RIMS2: variants seen among roughly 807,000 people sequenced by gnomAD.
The protein encoded by RIMS2 is regulating synaptic membrane exocytosis protein 2.
Under a neutral mutation model 174.4 loss-of-function variants are expected in RIMS2, and 59 were observed. The ratio of observed to expected loss-of-function variants is 0.34; its 90% CI spans 0.27 to 0.42. RIMS2 has a LOEUF of 0.42. Among genes scored for constraint, RIMS2 ranks in the 10% least tolerant of loss-of-function variants. The pLI is 1.00. For synonymous variants in RIMS2, 606 were observed against 572.5 expected (o/e 1.06, Z -0.84); for missense variants, 1,620 against 1,666.3 (o/e 0.97, Z 0.48).
At chr8:104,040,250 A>G (rs1186677798) in intron 19 of RIMS2, among the ~76,000 whole-genome samples, 5 of 151,730 alleles carry the variant, frequency 3.3e-5, no homozygotes, top group Non-Finnish European at 5.9e-5. Flanking sequence ...CAACTCTTGC[A>G]GAACTTAAAT....
chr8:104,011,080 C>A (rs1210443284), intron 17 of RIMS2, among the ~76,000 whole-genome samples: 1 of 152,074 alleles, frequency 6.6e-6, no homozygotes, highest in Admixed American at 6.6e-5. Flanking sequence ...ATATCTCAAT[C>A]CCTTTAAGGG....
At chr8:103,630,892 A>G (rs1440159463) in intron 1 of RIMS2, among the ~76,000 whole-genome samples, 2 of 152,144 alleles carry the variant, frequency 1.3e-5, no homozygotes, top group Non-Finnish European at 2.9e-5. Context: ...TTATTTTAAT[A>G]TGCTTGTTGG....
At chr8:103,750,131 A>G (rs536555303) in intron 2 of RIMS2, among the ~76,000 whole-genome samples, 45 of 152,208 alleles carry the variant, frequency 3.0e-4, no homozygotes, top group African/African-American at 9.4e-4. Context: ...ATCTGGCCCA[A>G]CTGGATTCAC....
intron 2 of RIMS2, among the ~76,000 whole-genome samples, chr8:103,754,652 C>A (rs1269790983): frequency 6.6e-6 from 1 of 152,152 alleles, no homozygotes; most frequent in Non-Finnish European, 1.5e-5. Flanking sequence ...GTTAGCTCTT[C>A]TTGTTGAATT....
intron 1 of RIMS2, among the ~76,000 whole-genome samples, chr8:103,538,242 T>C (rs1840757379): frequency 6.6e-6 from 1 of 152,226 alleles, no homozygotes; most frequent in African/African-American, 2.4e-5. Context: ...TTCTGTTTCT[T>C]CTGTTAATAT....
chr8:103,577,454 C>T (rs575703577), intron 1 of RIMS2, among the ~76,000 whole-genome samples: 4 of 152,100 alleles, frequency 2.6e-5, no homozygotes, highest in East Asian at 1.9e-4. Context: ...CATCACACGC[C>T]GGGGCCTGTC....
intron 1 of RIMS2, chr8:103,559,390 A>G: frequency 2.9e-6 from 1 of 345,012 alleles, no homozygotes; most frequent in Non-Finnish European, 5.5e-6. Flanking sequence ...CGGCTGCTTC[A>G]CGGTGGAGCA....
At chr8:103,645,394 G>A (rs1292154995) in intron 1 of RIMS2, among the ~76,000 whole-genome samples, 1 of 152,048 alleles carries the variant, frequency 6.6e-6, no homozygotes, top group Non-Finnish European at 1.5e-5. Context: ...ACACAAATAT[G>A]TCTAAGAATA....
At chr8:104,001,745 C>G (rs2095398187) in intron 17 of RIMS2, among the ~76,000 whole-genome samples, 1 of 152,000 alleles carries the variant, frequency 6.6e-6, no homozygotes, top group South Asian at 2.1e-4. Context: ...ATTTGTTGAA[C>G]ATGTGAATGC....
At chr8:103,548,379 GATTCACCACATAAACAGA>G (rs1172029562) in intron 1 of RIMS2, among the ~76,000 whole-genome samples, 2 of 152,082 alleles carry the variant, frequency 1.3e-5, no homozygotes, top group Non-Finnish European at 2.9e-5. Flanking sequence ...CAATAAATGT[GATTCACCACATAAACAGA>G]ATTCACCACA....
At chr8:104,143,371 C>A (rs1468602470) in intron 19 of RIMS2, among the ~76,000 whole-genome samples, 1 of 152,138 alleles carries the variant, frequency 6.6e-6, no homozygotes, top group South Asian at 2.1e-4. Context: ...GAACTTTAGA[C>A]AGAAGCCAGA....
chr8:103,849,764 G>C (rs1189255230), intron 3 of RIMS2, among the ~76,000 whole-genome samples: 1 of 151,962 alleles, frequency 6.6e-6, no homozygotes, highest in Non-Finnish European at 1.5e-5. Flanking sequence ...GACTGGTAAA[G>C]GGTATCTGTA....
intron 19 of RIMS2, among the ~76,000 whole-genome samples, chr8:104,102,272 T>C (rs1245174516): frequency 1.3e-5 from 2 of 152,124 alleles, no homozygotes; most frequent in East Asian, 1.9e-4. Flanking sequence ...CCTCCTTCTA[T>C]ACACTCAGTC....
intron 1 of RIMS2, among the ~76,000 whole-genome samples, chr8:103,633,948 T>C (rs1056710240): frequency 6.6e-6 from 1 of 152,168 alleles, no homozygotes; most frequent in South Asian, 2.1e-4. Context: ...TAGTGGCCTA[T>C]TAATTTTTTC....
intron 19 of RIMS2, among the ~76,000 whole-genome samples, chr8:104,228,824 G>A (rs117905474): frequency 0.059 from 9,013 of 152,166 alleles, 373 homozygotes; most frequent in Non-Finnish European, 0.084. Context: ...TTCCATAAAT[G>A]AGTTCATACC....
intron 3 of RIMS2, among the ~76,000 whole-genome samples, chr8:103,819,864 G>C (rs1282898871): frequency 2.0e-5 from 3 of 152,046 alleles, no homozygotes; most frequent in African/African-American, 7.2e-5. Context: ...ACGTAATACA[G>C]ATATCAGGCT....
At chr8:104,075,106 TCAGC>T (rs1449528894) in intron 19 of RIMS2, among the ~76,000 whole-genome samples, 1 of 152,110 alleles carries the variant, frequency 6.6e-6, no homozygotes, top group African/African-American at 2.4e-5. Context: ...AGTATGTAAC[TCAGC>T]CCAGTAACAT....
At chr8:103,885,181 A>C (rs1321159112) in intron 3 of RIMS2, 117 bp from the exon 7 acceptor site, 1 of 1,385,684 alleles carries the variant, frequency 7.2e-7, no homozygotes, top group Non-Finnish European at 9.4e-7. Context: ...CTTTAAAATG[A>C]AATTTTAAAA....
At chr8:104,137,804 TTTTAG>T (rs1421885490) in intron 19 of RIMS2, among the ~76,000 whole-genome samples, 1 of 152,176 alleles carries the variant, frequency 6.6e-6, no homozygotes. Context: ...AGTTATACTC[TTTTAG>T]TTATTTTTAA....
Sources: allele counts gnomAD v4.1 joint callset (sites outside exome capture counted in the v4.1 genomes callset), GRCh38; gene constraint gnomAD v4.1.1; transcripts MANE v1.5; gene names NCBI Gene and HGNC (gene_info 2026-07-23, HGNC 2026-07-21).